Variants in TBL1X observed in about 807,000 individuals in gnomAD.
The protein encoded by TBL1X is F-box-like/WD repeat-containing protein TBL1X.
TBL1X carries 10 observed loss-of-function variants against 50.7 expected under a neutral mutation model. The ratio of observed to expected loss-of-function variants is 0.20; its 90% CI spans 0.12 to 0.33. The LOEUF (loss-of-function observed/expected upper bound fraction) is 0.33. Among genes scored for constraint, TBL1X ranks in the 10% least tolerant of loss-of-function variants. TBL1X has a pLI of 1.00. For synonymous variants in TBL1X, 190 were observed against 214.7 expected (o/e 0.88, Z 1.01); for missense variants, 340 against 504.4 (o/e 0.67, Z 3.12).
chrX:9,715,833 C>T lies in TBL1X; in HGVS notation c.1708-387C>T, dbSNP rs893708811. Among the ~76,000 whole-genome samples, 5 of 90,363 alleles carry T rather than the reference C, an allele frequency of 5.5e-5. 1 individual carries two copies. Among genetic ancestry groups the T allele is most frequent in the South Asian group, 8.1e-4 (2 of 2,475 alleles). The allele number at this position is 90,363 out of a possible 115,157, so 78.5% of individuals were successfully genotyped here. ...CTTGAGGTTGCCCTGACCTCTGGGG[C>T]AAGCGGCCGTTCTGGCTGAACGGCC... On this transcript the variant is annotated intron_variant, in intron 17 of 17. Transcript: ENST00000645353.
intron 15 of TBL1X, among the ~76,000 whole-genome samples, 155 bp from the exon 16 acceptor site, chrX:9,711,456 G>A (rs193061560): frequency 9.0e-6 from 1 of 111,657 alleles, no homozygotes; most frequent in Non-Finnish European, 1.9e-5. Context: ...ATACTTGTAA[G>A]TAGTTACAGT....
rs766437749 is a variant in TBL1X, at chrX:9,690,791, C to A, written c.617-788C>A. On this transcript the variant is annotated intron_variant, in intron 7 of 17. Coordinates refer to ENST00000645353, the MANE Select transcript of TBL1X (RefSeq NM_005647.4). Reference sequence around the variant, plus strand: ...TCACCCAGGCTGGGGTACAGTGGCACAATCATAGCTCACTACAGCCTCAAT... The same window carrying A: ...TCACCCAGGCTGGGGTACAGTGGCAAAATCATAGCTCACTACAGCCTCAAT... Among the ~76,000 whole-genome samples the A allele has an allele frequency of 1.1e-4, 12 of 111,779 alleles. No homozygotes were observed. In the South Asian group the frequency reaches 4.5e-3, roughly 42 times the overall value.
chrX:9,633,803 G>T (rs1309828090), intron 2 of TBL1X, among the ~76,000 whole-genome samples: 2 of 111,914 alleles, frequency 1.8e-5, no homozygotes, highest in African/African-American at 6.5e-5. Context: ...ATTTCAGCAT[G>T]TGGAGATGTC....
chrX:9,554,521 C>T lies in TBL1X; in HGVS notation c.-131+52672C>T, dbSNP rs2082286002. Among the ~76,000 whole-genome samples, 3 of 112,378 alleles carry T rather than the reference C, an allele frequency of 2.7e-5. No individual in the cohort carries two copies. In the South Asian group the frequency reaches 1.1e-3, roughly 41 times the overall value. ...CATTTGTATACCTTTTGCTCACTTA[C>T]ATTATGCTATTATGCTTTTGACATC... On this transcript the variant is annotated intron_variant, in intron 2 of 17. Transcript: ENST00000645353.
At position 9,692,133 on chromosome X, in the gene TBL1X, G is replaced by A; in HGVS notation, c.770G>A (p.Arg257Lys). ...LASGSGDSTA[R>K]IWNLNENSNG... Reference sequence around the variant, plus strand: ...TGTAGATCTGGAGACTCAACTGCAAGGATATGGAACCTGAATGAGAATAGC... The same window carrying A: ...TGTAGATCTGGAGACTCAACTGCAAAGATATGGAACCTGAATGAGAATAGC... The change falls in exon 9 of 18, where the codon AGG becomes AAG. Residue 257 changes from arginine to lysine, a missense_variant. Physicochemically the swap from Arg to Lys is conservative, Grantham distance 26. Transcript: ENST00000645353. 1 of 1,211,838 alleles carries A rather than the reference G, an allele frequency of 8.3e-7. No individual in the cohort carries two copies. Among genetic ancestry groups the A allele is most frequent in the Non-Finnish European group, 1.1e-6 (1 of 895,549 alleles).
chrX:9,628,263 T>G (rs1377078199), intron 2 of TBL1X, among the ~76,000 whole-genome samples: 1 of 111,799 alleles, frequency 8.9e-6, no homozygotes, highest in Non-Finnish European at 1.9e-5. Context: ...TCCTGTGCAC[T>G]GTAGGAGGTT....
chrX:9,482,887 C>T (rs942746939), intron 1 of TBL1X, among the ~76,000 whole-genome samples: 1 of 111,548 alleles, frequency 9.0e-6, no homozygotes, highest in Non-Finnish European at 1.9e-5. Context: ...ATTGCATTTC[C>T]CTTAGTTATT....
At chrX:9,672,942 T>C (rs1482266903) in intron 5 of TBL1X, among the ~76,000 whole-genome samples, 1 of 111,859 alleles carries the variant, frequency 8.9e-6, no homozygotes, top group Non-Finnish European at 1.9e-5. Flanking sequence ...AACATCAAGG[T>C]GTGGGAGATT....
At chrX:9,581,469 G>A (rs1238699026) in intron 2 of TBL1X, among the ~76,000 whole-genome samples, 4 of 111,491 alleles carry the variant, frequency 3.6e-5, no homozygotes, top group South Asian at 3.8e-4. Context: ...CCAGTGGGGG[G>A]ATTGGGCACC....
chrX:9,596,723 C>G (rs1250827508), intron 2 of TBL1X, among the ~76,000 whole-genome samples: 1 of 111,160 alleles, frequency 9.0e-6, no homozygotes, highest in Non-Finnish European at 1.9e-5. Context: ...AAATCAACCA[C>G]TTAATCTCCT....
chrX:9,539,963 A>T (rs1601743407), intron 2 of TBL1X, among the ~76,000 whole-genome samples: 1 of 112,808 alleles, frequency 8.9e-6, no homozygotes, highest in Admixed American at 9.4e-5. Context: ...CTTAAAAGAC[A>T]TTCATAGTTG....
At chrX:9,556,710 T>C (rs1310579516) in intron 2 of TBL1X, among the ~76,000 whole-genome samples, 1 of 111,218 alleles carries the variant, frequency 9.0e-6, no homozygotes, top group African/African-American at 3.3e-5. Context: ...ATGGGTCTTA[T>C]TCTGCTAAAA....
At chrX:9,550,895 G>A (rs1030406468) in intron 2 of TBL1X, among the ~76,000 whole-genome samples, 1 of 110,639 alleles carries the variant, frequency 9.0e-6, no homozygotes, top group African/African-American at 3.3e-5. Context: ...GGAAATGGGT[G>A]GTGCTCCTGG....
intron 2 of TBL1X, among the ~76,000 whole-genome samples, chrX:9,591,089 A>C (rs1401915757): frequency 9.0e-6 from 1 of 111,031 alleles, no homozygotes; most frequent in Admixed American, 9.6e-5. Flanking sequence ...GATCTTGGGC[A>C]AGGCCATCTC....
rs941717192 is a variant in TBL1X, at chrX:9,698,646, A to T, written c.1114+1217A>T. Among the ~76,000 whole-genome samples, 4 of 111,157 alleles carry T rather than the reference A, an allele frequency of 3.6e-5. No homozygotes were observed. In the Admixed American group the frequency reaches 3.8e-4, roughly 11 times the overall value. Reference sequence around the variant, plus strand: ...AACTGCAGACCCCCAGAAGGAAAGCAGGGGCACAGCATAAACACACTGTTT... The same window carrying T: ...AACTGCAGACCCCCAGAAGGAAAGCTGGGGCACAGCATAAACACACTGTTT... On this transcript the variant is annotated intron_variant, in intron 12 of 17. Transcript: ENST00000645353.
chrX:9,593,710 C>G (rs1029984545), intron 2 of TBL1X, among the ~76,000 whole-genome samples: 1 of 111,237 alleles, frequency 9.0e-6, no homozygotes, highest in African/African-American at 3.3e-5. Context: ...CTTTCCAACC[C>G]CACACCCATC....
At chrX:9,575,895 C>T (rs1216581597) in intron 2 of TBL1X, among the ~76,000 whole-genome samples, 2 of 111,254 alleles carry the variant, frequency 1.8e-5, no homozygotes, top group East Asian at 5.6e-4. Context: ...TTTTTGTTAA[C>T]CAATCTGAGA....
chrX:9,643,431 A>C (rs909141397), intron 3 of TBL1X, among the ~76,000 whole-genome samples: 1 of 112,128 alleles, frequency 8.9e-6, no homozygotes, highest in African/African-American at 3.2e-5. Flanking sequence ...TACAAAATTT[A>C]GTACCTGTGT....
intron 2 of TBL1X, among the ~76,000 whole-genome samples, chrX:9,622,666 T>A (rs1033652036): frequency 9.0e-6 from 1 of 111,431 alleles, no homozygotes; most frequent in Non-Finnish European, 1.9e-5. Context: ...TTTCTTTGTT[T>A]GTTTTTTGTA....
Sources: gnomAD v4.1 joint callset for allele counts (sites outside exome capture counted in the v4.1 genomes callset) on GRCh38, gnomAD v4.1.1 for gene constraint, MANE v1.5 for transcripts, NCBI Gene and HGNC (gene_info 2026-07-23, HGNC 2026-07-21) for gene names.